Variants in MDGA2 observed in about 807,000 individuals in gnomAD.
MDGA2 encodes the protein MAM domain containing glycosylphosphatidylinositol anchor 2.
MDGA2 carries 40 observed loss-of-function variants against 117.8 expected under a neutral mutation model. The observed-to-expected ratio is 0.34, with a 90% CI of 0.26 to 0.44. The LOEUF is 0.44. Among genes scored for constraint, MDGA2 ranks in the 20% least tolerant of loss-of-function variants. MDGA2 has a pLI of 1.00. For synonymous variants in MDGA2, 452 were observed against 439.0 expected, an observed-to-expected ratio of 1.03 and a Z score of -0.37; for missense variants, 1,123 against 1,250.6, an observed-to-expected ratio of 0.90 and a Z score of 1.54.
At chr14:47,226,685 A>G (rs1198147365) in intron 2 of MDGA2, among the ~76,000 whole-genome samples, 1 of 152,174 alleles carries the variant, frequency 6.6e-6, no homozygotes, top group Non-Finnish European at 1.5e-5. Context: ...TGCAATCATC[A>G]TAGAGAAGTT....
chr14:47,470,927 G>C (rs72687639), intron 1 of MDGA2, among the ~76,000 whole-genome samples: 15,462 of 152,182 alleles, frequency 0.1, 1,115 homozygotes, highest in Non-Finnish European at 0.14. Context: ...TTATCAGGGA[G>C]TGAATTTACA....
chr14:47,487,212 C>T (rs968518850), intron 1 of MDGA2, among the ~76,000 whole-genome samples: 1 of 152,170 alleles, frequency 6.6e-6, no homozygotes, highest in African/African-American at 2.4e-5. Flanking sequence ...TTCATATCTT[C>T]CTGATGTATG....
intron 10 of MDGA2, among the ~76,000 whole-genome samples, chr14:46,918,449 T>C (rs1039860390): frequency 7.9e-5 from 12 of 152,300 alleles, no homozygotes; most frequent in African/African-American, 2.9e-4. Context: ...GAGAAAGAAC[T>C]GCTAATTTGT....
At position 47,121,900 on chromosome 14, in the gene MDGA2, G is replaced by A. The variant is rs149165567; in HGVS notation, c.925+9814C>T. Among the ~76,000 whole-genome samples, 36 of 152,152 alleles carry A rather than the reference G, an allele frequency of 2.4e-4. No individual in the cohort carries two copies. The East Asian group carries it at 2.7e-3, about 11-fold the overall frequency. ...CATTAGGTCCAGAAATAACTTGTCA[G>A]TTAATTTTTAAGAAATAATCATGTA... On this transcript the variant is annotated intron_variant, in intron 5 of 16. Transcript: ENST00000399232.
chr14:47,532,249 G>T (rs1432948154), intron 1 of MDGA2, among the ~76,000 whole-genome samples: 3 of 152,156 alleles, frequency 2.0e-5, no homozygotes, highest in African/African-American at 7.2e-5. Flanking sequence ...TAGCATTAAA[G>T]AAATGCATTA....
chr14:47,391,314 T>C (rs1891889785), intron 1 of MDGA2, among the ~76,000 whole-genome samples: 1 of 152,206 alleles, frequency 6.6e-6, no homozygotes, highest in Non-Finnish European at 1.5e-5. Context: ...TTTCTGCTCA[T>C]GTGACAGCGA....
chr14:46,868,992 C>G (rs1881888911), intron 14 of MDGA2, among the ~76,000 whole-genome samples: 1 of 151,988 alleles, frequency 6.6e-6, no homozygotes, highest in Non-Finnish European at 1.5e-5. Context: ...AAGTCTCATT[C>G]CACAGCCAGA....
intron 9 of MDGA2, among the ~76,000 whole-genome samples, chr14:46,924,879 A>G (rs1884268386): frequency 6.6e-6 from 1 of 152,138 alleles, no homozygotes; most frequent in Non-Finnish European, 1.5e-5. Flanking sequence ...AAGCCATTTA[A>G]TAAGAGTTTG....
chr14:46,864,741 A>T (rs1437332822), intron 14 of MDGA2, among the ~76,000 whole-genome samples: 1 of 151,906 alleles, frequency 6.6e-6, no homozygotes, highest in Non-Finnish European at 1.5e-5. Flanking sequence ...TTCTTAACAG[A>T]AAGCGTGACT....
At chr14:47,514,217 G>T (rs558318614) in intron 1 of MDGA2, among the ~76,000 whole-genome samples, 43 of 151,994 alleles carry the variant, frequency 2.8e-4, no homozygotes, top group Non-Finnish European at 5.0e-4. Context: ...ACTCCACTTG[G>T]CATATTTTTT....
chr14:47,462,282 A>G (rs1009185185), intron 1 of MDGA2, among the ~76,000 whole-genome samples: 1 of 150,320 alleles, frequency 6.7e-6, no homozygotes, highest in Non-Finnish European at 1.5e-5. Context: ...AGGCTGAGGC[A>G]GGAGAATGAT....
At chr14:46,981,721 A>G (rs572693161) in intron 8 of MDGA2, among the ~76,000 whole-genome samples, 113 of 152,314 alleles carry the variant, frequency 7.4e-4, no homozygotes, top group Admixed American at 1.7e-3. Context: ...TGTTTTGTAA[A>G]CAAGCTTTTG....
chr14:47,283,188 G>T (rs977867240), intron 2 of MDGA2, among the ~76,000 whole-genome samples: 2 of 152,058 alleles, frequency 1.3e-5, no homozygotes, highest in Non-Finnish European at 2.9e-5. Flanking sequence ...GAAATAGAAA[G>T]CAAAAGAGAG....
chr14:47,013,497 G>A lies in MDGA2; in HGVS notation c.1819+21514C>T, dbSNP rs1887967411. ...GAATCTTGAATCCCTCCTCCATAAG[G>A]GTTGAAATCAACTTCTTCCAAACAC... On this transcript the variant is annotated intron_variant, in intron 8 of 16. Coordinates refer to ENST00000399232, the MANE Select transcript of MDGA2 (RefSeq NM_001113498.3). Among the ~76,000 whole-genome samples, 4 of 151,480 alleles carry A rather than the reference G, an allele frequency of 2.6e-5. No individual in the cohort carries two copies. In the South Asian group the frequency reaches 8.4e-4, roughly 32 times the overall value.
intron 10 of MDGA2, among the ~76,000 whole-genome samples, chr14:46,895,113 A>T (rs1883024873): frequency 6.6e-6 from 1 of 152,090 alleles, no homozygotes; most frequent in Non-Finnish European, 1.5e-5. Flanking sequence ...TTGGTATCTG[A>T]TATGGTTTGG....
chr14:47,329,511 T>G (rs1002415670), intron 1 of MDGA2, among the ~76,000 whole-genome samples: 2 of 152,112 alleles, frequency 1.3e-5, no homozygotes, highest in African/African-American at 4.8e-5. Context: ...AGCTTCTCAC[T>G]TCCCATTAAT....
intron 1 of MDGA2, among the ~76,000 whole-genome samples, chr14:47,537,306 T>G (rs1234196654): frequency 1.2e-5 from 1 of 86,302 alleles, no homozygotes; most frequent in Non-Finnish European, 2.1e-5. Flanking sequence ...GGGCCTGTTG[T>G]CGGGTGGGGG....
chr14:47,318,440 C>G lies in MDGA2; in HGVS notation c.281-16890G>C, dbSNP rs1181895932. Among the ~76,000 whole-genome samples, 10 of 152,000 alleles carry G rather than the reference C, an allele frequency of 6.6e-5. No individual in the cohort carries two copies. In the South Asian group the frequency reaches 2.1e-3, roughly 32 times the overall value. On this transcript the variant is annotated intron_variant, in intron 1 of 16. Transcript: ENST00000399232. ...TTACCTAAAACTCAGCTCCAGTGTC[C>G]CCTCCTCATGGACACATTCCTTGAC...
intron 1 of MDGA2, among the ~76,000 whole-genome samples, chr14:47,311,553 A>C (rs1172125528): frequency 1.3e-5 from 2 of 152,152 alleles, no homozygotes; most frequent in East Asian, 3.9e-4. Context: ...ACATACCCCA[A>C]GTCTGGCTCT....
Sources: allele counts gnomAD v4.1 joint callset (sites outside exome capture counted in the v4.1 genomes callset), GRCh38; gene constraint gnomAD v4.1.1; transcripts MANE v1.5; gene names NCBI Gene and HGNC (gene_info 2026-07-23, HGNC 2026-07-21).